The following GLIS3 variants were observed in gnomAD, a reference collection of about 807,000 sequenced individuals.
GLIS3 encodes zinc finger protein GLIS3.
In GLIS3, 53 loss-of-function variants were observed where a neutral mutation model predicts 78.6. The ratio of observed to expected loss-of-function variants is 0.67; its 90% CI spans 0.54 to 0.85. The LOEUF is 0.85. GLIS3 is among the 40% of genes least tolerant of loss of function. The probability of loss-of-function intolerance (pLI) is 0.00; values close to 1 mark genes in which losing one functional copy is unlikely to be tolerated. For missense variants in GLIS3, 1,703 were observed against 1,231.1 expected, an observed-to-expected ratio of 1.38 and a Z score of -5.74; for synonymous variants, 684 against 509.9, an observed-to-expected ratio of 1.34 and a Z score of -4.60.
At chr9:4,403,718 CAAAT>C in the GLIS3 span, among the ~76,000 whole-genome samples, 4 of 151,560 alleles carry the variant, frequency 2.6e-5, no homozygotes, top group East Asian at 3.9e-4. Flanking sequence ...AAAAACATAA[CAAAT>C]AAACACAAAA....
At chr9:4,163,622 C>G (rs547386884) in intron 2 of GLIS3, among the ~76,000 whole-genome samples, 2 of 152,332 alleles carry the variant, frequency 1.3e-5, no homozygotes, top group East Asian at 1.9e-4. Flanking sequence ...TGCAAAGATT[C>G]ACATTCTAGG....
At chr9:4,437,105 A>G in the GLIS3 span, among the ~76,000 whole-genome samples, 1 of 152,194 alleles carries the variant, frequency 6.6e-6, no homozygotes, top group East Asian at 1.9e-4. Context: ...AGAGGACAGA[A>G]GAAGAGGAGA....
intron 4 of GLIS3, among the ~76,000 whole-genome samples, chr9:3,992,829 A>G (rs1177841832): frequency 6.6e-6 from 1 of 152,212 alleles, no homozygotes; most frequent in Non-Finnish European, 1.5e-5. Flanking sequence ...ACCATGACCA[A>G]TTCTGATAAG....
At chr9:4,374,635 G>C in the GLIS3 span, among the ~76,000 whole-genome samples, 1 of 152,166 alleles carries the variant, frequency 6.6e-6, no homozygotes, top group African/African-American at 2.4e-5. Flanking sequence ...TGTCAATCAG[G>C]GCATCTTGTC....
At chr9:4,334,485 A>G (rs943785165) in intron 2 of GLIS3, among the ~76,000 whole-genome samples, 5 of 152,208 alleles carry the variant, frequency 3.3e-5, no homozygotes, top group African/African-American at 1.2e-4. Flanking sequence ...CATGTTCATT[A>G]ATCAGCAAGT....
chr9:4,364,985 T>A, the GLIS3 span, among the ~76,000 whole-genome samples: 1 of 152,092 alleles, frequency 6.6e-6, no homozygotes, highest in Non-Finnish European at 1.5e-5. Flanking sequence ...ACACAGTGAT[T>A]TTTATTTTGG....
chr9:4,385,697 A>C, the GLIS3 span, among the ~76,000 whole-genome samples: 62,915 of 86,434 alleles, frequency 0.73, 26,398 homozygotes, highest in Non-Finnish European at 0.85. Flanking sequence ...AAAGAAAGAA[A>C]GAAACAAAGA....
intron 3 of GLIS3, among the ~76,000 whole-genome samples, chr9:4,120,414 C>G (rs1355350101): frequency 6.6e-6 from 1 of 152,218 alleles, no homozygotes. Context: ...GGTCCACATC[C>G]TTAAATTCGG....
At chr9:4,080,059 G>T (rs76079927) in intron 4 of GLIS3, among the ~76,000 whole-genome samples, 1 of 152,328 alleles carries the variant, frequency 6.6e-6, no homozygotes, top group African/African-American at 2.4e-5. Flanking sequence ...TTGTAAAAGT[G>T]TTTGTGCAGG....
intron 4 of GLIS3, among the ~76,000 whole-genome samples, chr9:3,981,981 C>G (rs187875153): frequency 6.6e-6 from 1 of 152,168 alleles, no homozygotes. Flanking sequence ...CAGTTTTAAT[C>G]TTATTCCACC....
intron 2 of GLIS3, among the ~76,000 whole-genome samples, chr9:4,260,480 T>C (rs1010971187): frequency 1.3e-5 from 2 of 151,714 alleles, no homozygotes; most frequent in Admixed American, 6.6e-5. Context: ...GGCAGGAGAA[T>C]TGCTTGAACT....
rs147277377 is a variant in GLIS3 at position 4,006,661 on chromosome 9, T to A, written c.1711-69472A>T. Among the ~76,000 whole-genome samples the A allele has an allele frequency of 6.7e-4, 102 of 152,292 alleles. 1 individual carries two copies. The highest frequency in any genetic ancestry group is 6.2e-3 in the South Asian group (30 of 4,818). ...ATGCACTAGATGAAAACACTGAGGT[T>A]TAGGGGTCTTAAAGACTTGCCTAAG... On this transcript the variant is annotated intron_variant, in intron 4 of 10. Transcript: ENST00000381971.
intron 2 of GLIS3, among the ~76,000 whole-genome samples, chr9:4,217,064 A>C (rs1375314867): frequency 6.6e-6 from 1 of 152,186 alleles, no homozygotes; most frequent in Non-Finnish European, 1.5e-5. Context: ...AGTTAACTCC[A>C]GTTTGTATTT....
chr9:3,871,243 T>G (rs1563797557), intron 8 of GLIS3, among the ~76,000 whole-genome samples: 4 of 152,138 alleles, frequency 2.6e-5, no homozygotes, highest in Admixed American at 1.3e-4. Context: ...CTGGTTGCTT[T>G]CATGGGCTGG....
intron 2 of GLIS3, among the ~76,000 whole-genome samples, chr9:4,259,119 T>A (rs1420297530): frequency 6.6e-6 from 1 of 152,174 alleles, no homozygotes; most frequent in Non-Finnish European, 1.5e-5. Context: ...CACTTGGATC[T>A]TATCTCTTTG....
chr9:4,305,455 A>G (rs1157075690), intron 4 of GLIS3: 2 of 152,220 alleles, frequency 1.3e-5, no homozygotes, highest in Non-Finnish European at 2.9e-5. Flanking sequence ...CCCTATTGAT[A>G]AGGAGCCCAG....
At chr9:3,949,814 G>C (rs990220711) in intron 4 of GLIS3, among the ~76,000 whole-genome samples, 1 of 152,144 alleles carries the variant, frequency 6.6e-6, no homozygotes, top group Non-Finnish European at 1.5e-5. Flanking sequence ...CCTCGAGAAA[G>C]AGAAAAATAG....
intron 4 of GLIS3, among the ~76,000 whole-genome samples, chr9:3,957,344 C>A (rs898414968): frequency 3.3e-5 from 5 of 152,216 alleles, no homozygotes; most frequent in African/African-American, 1.2e-4. Context: ...TTTGCTTTCA[C>A]CTTTATAATT....
At chr9:4,418,596 G>C in the GLIS3 span, among the ~76,000 whole-genome samples, 1 of 152,086 alleles carries the variant, frequency 6.6e-6, no homozygotes, top group South Asian at 2.1e-4. Context: ...CTACTCAGGA[G>C]GCTGAGGCAG....
Sources: allele counts gnomAD v4.1 joint callset (sites outside exome capture counted in the v4.1 genomes callset), GRCh38; gene constraint gnomAD v4.1.1; transcripts MANE v1.5; gene names NCBI Gene and HGNC (gene_info 2026-07-23, HGNC 2026-07-21).